Variants in ABTB3 observed in about 807,000 individuals in gnomAD.
ABTB3 encodes ankyrin repeat- and BTB/POZ domain-containing protein 3.
chr12:107,610,439 C>A, the ABTB3 span: 1 of 1,530,566 alleles, frequency 6.5e-7, no homozygotes, highest in Non-Finnish European at 8.9e-7. Flanking sequence ...CGGTGAATCC[C>A]CTCTGCAGGC....
the ABTB3 span, among the ~76,000 whole-genome samples, chr12:107,593,502 GCATGTGTGCTTT>G: frequency 6.6e-6 from 1 of 152,128 alleles, no homozygotes; most frequent in South Asian, 2.1e-4. Context: ...AGGGTGGATG[GCATGTGTGCTTT>G]CATCTTGAAT....
At chr12:107,522,341 T>C in the ABTB3 span, among the ~76,000 whole-genome samples, 5 of 152,284 alleles carry the variant, frequency 3.3e-5, no homozygotes, top group South Asian at 8.3e-4. Context: ...CATCCTAAGA[T>C]ATACTCTATA....
the ABTB3 span, among the ~76,000 whole-genome samples, chr12:107,436,970 C>A: frequency 0.098 from 14,873 of 151,982 alleles, 1,237 homozygotes; most frequent in East Asian, 0.44. Flanking sequence ...GCCGCACCTG[C>A]CCCAAAATGC....
At chr12:107,497,106 G>T in the ABTB3 span, among the ~76,000 whole-genome samples, 9 of 152,056 alleles carry the variant, frequency 5.9e-5, no homozygotes, top group African/African-American at 1.7e-4. Flanking sequence ...CATAGTGGGT[G>T]TCAGCTCCTA....
chr12:107,327,923 G>C, the ABTB3 span, among the ~76,000 whole-genome samples: 3 of 152,192 alleles, frequency 2.0e-5, no homozygotes, highest in Non-Finnish European at 4.4e-5. Context: ...TGCCATCTTG[G>C]ACGCATAACT....
the ABTB3 span, among the ~76,000 whole-genome samples, chr12:107,557,292 C>T: frequency 6.6e-6 from 1 of 151,716 alleles, no homozygotes; most frequent in Non-Finnish European, 1.5e-5. Context: ...TGTTACTCTA[C>T]CGAATACTGT....
chr12:107,649,511 C>T, the ABTB3 span: 7 of 512,220 alleles, frequency 1.4e-5, no homozygotes, highest in Admixed American at 3.2e-5. Context: ...GCTTGCCTGA[C>T]TGCTTTTAGT....
At chr12:107,425,185 T>G in the ABTB3 span, among the ~76,000 whole-genome samples, 1 of 152,212 alleles carries the variant, frequency 6.6e-6, no homozygotes, top group South Asian at 2.1e-4. Flanking sequence ...GGTTCGTGCT[T>G]CCATGCGTTT....
the ABTB3 span, among the ~76,000 whole-genome samples, chr12:107,559,153 C>A: frequency 6.6e-6 from 1 of 152,190 alleles, no homozygotes; most frequent in Non-Finnish European, 1.5e-5. Context: ...ATGTAGGGAC[C>A]AGCTGGATGC....
chr12:107,473,467 C>G, the ABTB3 span, among the ~76,000 whole-genome samples: 1 of 152,056 alleles, frequency 6.6e-6, no homozygotes. Flanking sequence ...GATTCTCATG[C>G]CTCAGCCTCC....
At chr12:107,533,690 A>C in the ABTB3 span, among the ~76,000 whole-genome samples, 6 of 152,246 alleles carry the variant, frequency 3.9e-5, no homozygotes, top group African/African-American at 9.6e-5. Flanking sequence ...GGACTTCAAC[A>C]GCCCACTTTC....
At chr12:107,523,952 A>G in the ABTB3 span, among the ~76,000 whole-genome samples, 3 of 152,118 alleles carry the variant, frequency 2.0e-5, no homozygotes, top group Non-Finnish European at 4.4e-5. Context: ...TTGTCCTGGG[A>G]TGTCTCAAAG....
the ABTB3 span, among the ~76,000 whole-genome samples, chr12:107,582,384 A>G: frequency 2.8e-4 from 42 of 152,298 alleles, no homozygotes; most frequent in African/African-American, 8.9e-4. Context: ...AAGTCACTGG[A>G]GTAGTAAATA....
chr12:107,520,391 G>T, the ABTB3 span: 1 of 1,507,412 alleles, frequency 6.6e-7, no homozygotes, highest in African/African-American at 1.4e-5. Context: ...GCTCTGGCGT[G>T]GTTTGAGGTT....
chr12:107,551,984 T>C, the ABTB3 span, among the ~76,000 whole-genome samples: 1 of 152,238 alleles, frequency 6.6e-6, no homozygotes, highest in African/African-American at 2.4e-5. Context: ...ACTCCTGACC[T>C]CGGGTGATCC....
chr12:107,330,136 G>T, the ABTB3 span, among the ~76,000 whole-genome samples: 27 of 152,282 alleles, frequency 1.8e-4, no homozygotes, highest in South Asian at 5.2e-3. Context: ...GGAGAGCATG[G>T]GGGGAAGGTA....
the ABTB3 span, chr12:107,635,408 G>A: frequency 7.5e-6 from 12 of 1,605,422 alleles, no homozygotes; most frequent in Non-Finnish European, 9.4e-6. Context: ...GTTCCCCCAG[G>A]CCTGTGTTGG....
chr12:107,564,162 T>C, the ABTB3 span, among the ~76,000 whole-genome samples: 1 of 148,906 alleles, frequency 6.7e-6, no homozygotes, highest in Non-Finnish European at 1.5e-5. Context: ...AAATTGAGAG[T>C]GTTAGACTCT....
chr12:107,442,422 T>C, the ABTB3 span, among the ~76,000 whole-genome samples: 1 of 152,210 alleles, frequency 6.6e-6, no homozygotes, highest in Non-Finnish European at 1.5e-5. Context: ...AAACCGAACA[T>C]TTTTTCGTTT....
Sources: allele counts gnomAD v4.1 joint callset (sites outside exome capture counted in the v4.1 genomes callset), GRCh38; gene constraint gnomAD v4.1.1; transcripts MANE v1.5; gene names NCBI Gene and HGNC (gene_info 2026-07-23, HGNC 2026-07-21).